LRP1B: variants seen among roughly 807,000 people sequenced by gnomAD.
The protein encoded by LRP1B is LDL receptor related protein 1B.
A neutral mutation model predicts 556.6 loss-of-function variants in LRP1B; 217 were observed. That is an observed-to-expected ratio of 0.39 (90% CI 0.35 to 0.44). The LOEUF (loss-of-function observed/expected upper bound fraction) is 0.44. Ranked by LOEUF, LRP1B falls within the 20% of genes least tolerant of loss-of-function variation. The probability of loss-of-function intolerance (pLI) is 1.00; values close to 1 mark genes in which losing one functional copy is unlikely to be tolerated. For missense variants in LRP1B, 5,053 were observed against 5,620.8 expected (o/e 0.90, Z 3.23); for synonymous variants, 2,047 against 1,865.8 (o/e 1.10, Z -2.50).
intron 1 of LRP1B, among the ~76,000 whole-genome samples, chr2:141,833,760 G>A (rs1229641242): frequency 2.6e-5 from 4 of 151,682 alleles, no homozygotes; most frequent in African/African-American, 9.7e-5. Flanking sequence ...AAAATAAATT[G>A]ATGGTTGTTT....
intron 35 of LRP1B, among the ~76,000 whole-genome samples, chr2:140,721,417 TA>T (rs1687394588): frequency 6.6e-6 from 1 of 152,006 alleles, no homozygotes; most frequent in Admixed American, 6.6e-5. Flanking sequence ...TGTTGACATT[TA>T]AAAAAATTAT....
intron 6 of LRP1B, among the ~76,000 whole-genome samples, chr2:141,205,076 G>A (rs994722426): frequency 5.3e-5 from 8 of 152,058 alleles, no homozygotes; most frequent in African/African-American, 1.7e-4. Flanking sequence ...GTTTACATAT[G>A]GTAATACACT....
At chr2:140,494,344 T>C (rs1688824731) in intron 56 of LRP1B, among the ~76,000 whole-genome samples, 1 of 152,264 alleles carries the variant, frequency 6.6e-6, no homozygotes, top group East Asian at 1.9e-4. Flanking sequence ...AAATGCATTA[T>C]GTAGCAAGCA....
chr2:141,553,807 A>G (rs1230356136), intron 2 of LRP1B, among the ~76,000 whole-genome samples: 1 of 138,912 alleles, frequency 7.2e-6, no homozygotes, highest in Non-Finnish European at 1.5e-5. Flanking sequence ...TATATTATAG[A>G]TCTATATTAA....
intron 66 of LRP1B, among the ~76,000 whole-genome samples, chr2:140,419,900 TG>T (rs1685360507): frequency 6.6e-6 from 1 of 151,152 alleles, no homozygotes; most frequent in African/African-American, 2.4e-5. Flanking sequence ...CCCAACTACT[TG>T]GGTGGCTGAG....
At chr2:141,243,853 C>G (rs1479773875) in intron 5 of LRP1B, among the ~76,000 whole-genome samples, 4 of 152,142 alleles carry the variant, frequency 2.6e-5, no homozygotes, top group Admixed American at 2.0e-4. Flanking sequence ...GGCCTCCTGT[C>G]TAACATTAAT....
chr2:142,130,046 A>C (rs1015963210), intron 1 of LRP1B, among the ~76,000 whole-genome samples: 1 of 152,044 alleles, frequency 6.6e-6, no homozygotes, highest in Non-Finnish European at 1.5e-5. Context: ...GACCCTCATA[A>C]TCGAAAAGTC....
In LRP1B at chr2:141,058,965, A is replaced by C. The variant is rs1215242516; in HGVS notation, c.1326T>G (p.Phe442Leu). The C allele has an allele frequency of 6.2e-7, 1 of 1,600,168 alleles. No homozygotes were observed. The highest frequency in any genetic ancestry group is 1.3e-5 in the African/African-American group (1 of 74,348). ...TTAATGAGTGAATATCAGTCCCATT[A>C]AATCGGTTTATCCTTACGATATTGT... ...DNYNIVRINR[F>L]NGTDIHSLIK... The change falls in exon 9 of 91, where the codon TTT becomes TTG. Residue 442 changes from phenylalanine to leucine, a missense_variant. Physicochemically the swap from Phe to Leu is conservative, Grantham distance 22. Coordinates refer to ENST00000389484, the MANE Select transcript of LRP1B (RefSeq NM_018557.3).
intron 7 of LRP1B, among the ~76,000 whole-genome samples, chr2:141,072,710 G>A (rs1047551660): frequency 2.0e-5 from 3 of 151,820 alleles, no homozygotes; most frequent in African/African-American, 4.8e-5. Context: ...CTTCTCCATT[G>A]TCCTAACCCT....
At chr2:140,962,074 A>G (rs1696053114) in intron 18 of LRP1B, among the ~76,000 whole-genome samples, 1 of 152,226 alleles carries the variant, frequency 6.6e-6, no homozygotes, top group African/African-American at 2.4e-5. Context: ...CAGTTTTAAA[A>G]ATAGCAATAG....
At chr2:140,789,391 G>A (rs1690027193) in intron 32 of LRP1B, among the ~76,000 whole-genome samples, 1 of 152,092 alleles carries the variant, frequency 6.6e-6, no homozygotes, top group African/African-American at 2.4e-5. Flanking sequence ...CTCCCCAACA[G>A]AGCAATTGGC....
At chr2:140,789,474 T>C (rs1690029936) in intron 32 of LRP1B, among the ~76,000 whole-genome samples, 1 of 152,150 alleles carries the variant, frequency 6.6e-6, no homozygotes, top group African/African-American at 2.4e-5. Flanking sequence ...TTCAACTGGC[T>C]ATGAAAGTGA....
intron 31 of LRP1B, among the ~76,000 whole-genome samples, chr2:140,816,442 T>C (rs1691127605): frequency 6.6e-6 from 1 of 152,134 alleles, no homozygotes; most frequent in African/African-American, 2.4e-5. Context: ...ATGTACTACT[T>C]ATACCCAGAT....
At chr2:140,939,424 A>G (rs1695327717) in intron 20 of LRP1B, among the ~76,000 whole-genome samples, 1 of 150,562 alleles carries the variant, frequency 6.6e-6, no homozygotes, top group Admixed American at 6.6e-5. Context: ...ATCATATTAC[A>G]CAATTAGTTG....
chr2:140,288,934 G>C (rs1683268013), intron 84 of LRP1B, among the ~76,000 whole-genome samples: 1 of 151,764 alleles, frequency 6.6e-6, no homozygotes, highest in Admixed American at 6.6e-5. Context: ...TGCTAACATG[G>C]CATAAAAGTA....
chr2:141,785,218 T>C (rs1277536622), intron 2 of LRP1B, among the ~76,000 whole-genome samples: 1 of 151,950 alleles, frequency 6.6e-6, no homozygotes, highest in Non-Finnish European at 1.5e-5. Context: ...TTGGAAACCA[T>C]ATGCAGAGAT....
chr2:140,927,032 G>A (rs1414492608), intron 20 of LRP1B, among the ~76,000 whole-genome samples: 2 of 152,144 alleles, frequency 1.3e-5, no homozygotes, highest in Non-Finnish European at 2.9e-5. Flanking sequence ...TAGGTCAGGC[G>A]CAGTGGCTCA....
intron 84 of LRP1B, among the ~76,000 whole-genome samples, chr2:140,291,318 A>ATTT (rs1553440648): frequency 9.1e-6 from 1 of 109,322 alleles, no homozygotes; most frequent in African/African-American, 3.0e-5. Context: ...ATATATATAT[A>ATTT]TTTTTATTAT....
chr2:141,471,674 T>C (rs1682478944), intron 3 of LRP1B, among the ~76,000 whole-genome samples: 1 of 152,198 alleles, frequency 6.6e-6, no homozygotes, highest in Non-Finnish European at 1.5e-5. Flanking sequence ...CCTACCTCAA[T>C]TACTACATGT....
Sources: gnomAD v4.1 joint callset for allele counts (sites outside exome capture counted in the v4.1 genomes callset) on GRCh38, gnomAD v4.1.1 for gene constraint, MANE v1.5 for transcripts, NCBI Gene and HGNC (gene_info 2026-07-23, HGNC 2026-07-21) for gene names.